ABTB3: variants seen among roughly 807,000 people sequenced by gnomAD.
The protein encoded by ABTB3 is ankyrin repeat and BTB domain containing 3.
the ABTB3 span, among the ~76,000 whole-genome samples, chr12:107,616,856 T>C: frequency 6.6e-6 from 1 of 152,330 alleles, no homozygotes. Context: ...TCCCACAAGC[T>C]CCCAGGTGGT....
chr12:107,359,099 T>C, the ABTB3 span, among the ~76,000 whole-genome samples: 1 of 152,232 alleles, frequency 6.6e-6, no homozygotes, highest in Non-Finnish European at 1.5e-5. Context: ...TAAGAAATGC[T>C]GTCATCTCAG....
chr12:107,494,773 C>T, the ABTB3 span, among the ~76,000 whole-genome samples: 1 of 152,294 alleles, frequency 6.6e-6, no homozygotes, highest in Admixed American at 6.5e-5. Flanking sequence ...GGCACCTCCC[C>T]TTCCTACTGA....
At chr12:107,398,714 G>T in the ABTB3 span, among the ~76,000 whole-genome samples, 2 of 152,154 alleles carry the variant, frequency 1.3e-5, no homozygotes, top group South Asian at 2.1e-4. Flanking sequence ...GGACAGGTAG[G>T]GGGGTGGATG....
chr12:107,602,408 T>C, the ABTB3 span, among the ~76,000 whole-genome samples: 1 of 152,246 alleles, frequency 6.6e-6, no homozygotes, highest in African/African-American at 2.4e-5. Flanking sequence ...CTTTCCAAAG[T>C]CTGCACTTTG....
At chr12:107,629,263 C>G in the ABTB3 span, among the ~76,000 whole-genome samples, 1 of 152,194 alleles carries the variant, frequency 6.6e-6, no homozygotes, top group East Asian at 1.9e-4. Context: ...CACACACTAA[C>G]ACACACACAA....
At chr12:107,461,184 G>C in the ABTB3 span, among the ~76,000 whole-genome samples, 3 of 152,090 alleles carry the variant, frequency 2.0e-5, no homozygotes, top group African/African-American at 7.2e-5. Flanking sequence ...AACAGTATGG[G>C]CGAACCCACC....
the ABTB3 span, among the ~76,000 whole-genome samples, chr12:107,644,807 C>G: frequency 6.6e-6 from 1 of 152,040 alleles, no homozygotes; most frequent in African/African-American, 2.4e-5. Flanking sequence ...TTGGCCCCCA[C>G]TTATAAGTGA....
chr12:107,653,049 C>T, the ABTB3 span, among the ~76,000 whole-genome samples: 229 of 152,298 alleles, frequency 1.5e-3, 1 homozygote, highest in African/African-American at 5.2e-3. Flanking sequence ...GTTGGGATTA[C>T]AGGCATGAGC....
At chr12:107,581,026 G>A in the ABTB3 span, 1 of 1,551,936 alleles carries the variant, frequency 6.4e-7, no homozygotes, top group Non-Finnish European at 8.7e-7. Context: ...TCCAGGGAAA[G>A]CGGGGTGTGG....
At chr12:107,438,741 G>A in the ABTB3 span, among the ~76,000 whole-genome samples, 16 of 152,190 alleles carry the variant, frequency 1.1e-4, no homozygotes, top group African/African-American at 3.9e-4. Flanking sequence ...CAAAGTTTGC[G>A]CTGAAGATGC....
chr12:107,461,687 AAG>A, the ABTB3 span, among the ~76,000 whole-genome samples: 3 of 152,198 alleles, frequency 2.0e-5, no homozygotes, highest in Admixed American at 1.3e-4. Context: ...TGCCTTGAAA[AAG>A]AAAGTTTTGA....
chr12:107,416,435 A>G, the ABTB3 span, among the ~76,000 whole-genome samples: 1 of 152,122 alleles, frequency 6.6e-6, no homozygotes, highest in Non-Finnish European at 1.5e-5. Context: ...GGTGGGGGGA[A>G]AGCAGAAAGG....
At chr12:107,658,232 C>A in the ABTB3 span, 1 of 154,110 alleles carries the variant, frequency 6.5e-6, no homozygotes. Context: ...TAAAAAAAAA[C>A]AAAAACAGGG....
chr12:107,487,551 A>G, the ABTB3 span, among the ~76,000 whole-genome samples: 1 of 152,268 alleles, frequency 6.6e-6, no homozygotes, highest in Middle Eastern at 3.4e-3. Flanking sequence ...GTTTAATGTG[A>G]CTTGGCTGCC....
At chr12:107,413,363 C>G in the ABTB3 span, among the ~76,000 whole-genome samples, 4 of 152,180 alleles carry the variant, frequency 2.6e-5, no homozygotes, top group Non-Finnish European at 5.9e-5. Context: ...TGAAGTTTGG[C>G]AAGTTCAAGT....
At chr12:107,539,060 G>A in the ABTB3 span, among the ~76,000 whole-genome samples, 5 of 152,274 alleles carry the variant, frequency 3.3e-5, no homozygotes, top group Admixed American at 3.3e-4. Context: ...TGGGCCAGTT[G>A]CCTCCTCCCT....
chr12:107,643,505 G>T, the ABTB3 span, among the ~76,000 whole-genome samples: 6 of 151,564 alleles, frequency 4.0e-5, no homozygotes, highest in Non-Finnish European at 7.4e-5. Context: ...GAGCCCCAAG[G>T]TGGGCCTGGG....
At chr12:107,637,084 A>AT in the ABTB3 span, among the ~76,000 whole-genome samples, 1 of 152,232 alleles carries the variant, frequency 6.6e-6, no homozygotes, top group South Asian at 2.1e-4. Context: ...AGCATCTACT[A>AT]TAATGGTCAT....
the ABTB3 span, among the ~76,000 whole-genome samples, chr12:107,518,602 A>T: frequency 9.6e-6 from 1 of 104,618 alleles, no homozygotes; most frequent in African/African-American, 3.7e-5. Context: ...GGGGCCTGTC[A>T]TGGGGTGGGG....
Sources: allele counts gnomAD v4.1 joint callset (sites outside exome capture counted in the v4.1 genomes callset), GRCh38; gene constraint gnomAD v4.1.1; transcripts MANE v1.5; gene names NCBI Gene and HGNC (gene_info 2026-07-23, HGNC 2026-07-21).